PAPPA: variants seen among roughly 807,000 people sequenced by gnomAD.
PAPPA encodes the protein pappalysin 1, also known as pappalysin-1.
A neutral mutation model predicts 164.0 loss-of-function variants in PAPPA; 60 were observed. The ratio of observed to expected loss-of-function variants is 0.37; its 90% confidence interval spans 0.30 to 0.45. The LOEUF (loss-of-function observed/expected upper bound fraction) is 0.45, where lower values mean the gene tolerates loss of function less well. Among genes scored for constraint, PAPPA ranks in the 20% least tolerant of loss-of-function variants. The pLI is 1.00. For synonymous variants in PAPPA, 875 were observed against 814.1 expected, an observed-to-expected ratio of 1.07 and a Z score of -1.27; for missense variants, 1,782 against 2,087.3, an observed-to-expected ratio of 0.85 and a Z score of 2.85.
At chr9:116,289,236 T>C (rs1243750472) in intron 9 of PAPPA, among the ~76,000 whole-genome samples, 4 of 54,760 alleles carry the variant, frequency 7.3e-5, no homozygotes, top group East Asian at 1.2e-3. Flanking sequence ...ATATATAGCA[T>C]ATATATATAG....
At chr9:116,388,024 C>T (rs771547918) in intron 21 of PAPPA, among the ~76,000 whole-genome samples, 20 of 152,182 alleles carry the variant, frequency 1.3e-4, no homozygotes, top group Admixed American at 2.6e-4. Context: ...CTAGGGCCTC[C>T]GTGATGCCTT....
At chr9:116,283,469 G>T (rs547725815) in intron 9 of PAPPA, among the ~76,000 whole-genome samples, 18 of 152,100 alleles carry the variant, frequency 1.2e-4, no homozygotes, top group Non-Finnish European at 1.5e-5. Context: ...GAAGTCACAG[G>T]GGGTGAGTGG....
At chr9:116,301,145 C>G (rs917410920) in intron 9 of PAPPA, among the ~76,000 whole-genome samples, 3 of 151,988 alleles carry the variant, frequency 2.0e-5, no homozygotes, top group African/African-American at 4.8e-5. Flanking sequence ...CAAGCAGAAG[C>G]CTTAGGGTGA....
At chr9:116,331,049 T>C (rs1564228503) in intron 10 of PAPPA, among the ~76,000 whole-genome samples, 195 bp from the exon 11 acceptor site, 1 of 152,184 alleles carries the variant, frequency 6.6e-6, no homozygotes, top group Non-Finnish European at 1.5e-5. Flanking sequence ...ATCTATTATA[T>C]CCTTAAAAGT....
intron 7 of PAPPA, among the ~76,000 whole-genome samples, chr9:116,246,742 C>T (rs938821429): frequency 2.0e-5 from 3 of 152,098 alleles, no homozygotes; most frequent in East Asian, 1.9e-4. Flanking sequence ...AGGCCAAATG[C>T]GGTGGCTCAT....
At position 116,154,878 on chromosome 9, in the gene PAPPA, G is replaced by A. The variant is rs992515776; in HGVS notation, c.415+291G>A. Among the ~76,000 whole-genome samples the A allele has an allele frequency of 6.6e-6, 1 of 152,218 alleles. No individual in the cohort carries two copies. The highest frequency in any genetic ancestry group is 2.4e-5 in the African/African-American group (1 of 41,464). ...TGAGGGCTGGTTCCCGGAGCCTAGG[G>A]CACGTAACCCGTGCTCCGAATGGTC... is the stretch of plus-strand genomic sequence containing the variant. On this transcript the variant is annotated intron_variant, in intron 1 of 21. Transcript: ENST00000328252. The surrounding 1 kb of genome is among the most constrained non-coding windows in gnomAD (Gnocchi z 5.2).
At chr9:116,232,004 T>C (rs1175670048) in intron 6 of PAPPA, among the ~76,000 whole-genome samples, 1 of 152,172 alleles carries the variant, frequency 6.6e-6, no homozygotes, top group Non-Finnish European at 1.5e-5. Context: ...TCTGCCTGCC[T>C]AGGCCTCCCA....
At chr9:116,250,152 G>A (rs187242943) in intron 7 of PAPPA, among the ~76,000 whole-genome samples, 178 of 152,048 alleles carry the variant, frequency 1.2e-3, no homozygotes, top group Non-Finnish European at 4.6e-4. Flanking sequence ...ATGGGGTATC[G>A]GGGGTTAATC....
At chr9:116,203,900 G>T (rs1306790877) in intron 2 of PAPPA, among the ~76,000 whole-genome samples, 3 of 152,150 alleles carry the variant, frequency 2.0e-5, no homozygotes, top group African/African-American at 7.2e-5. Flanking sequence ...GGCATAACTG[G>T]GGAAAACTAG....
At chr9:116,174,186 G>A (rs909668495) in intron 1 of PAPPA, among the ~76,000 whole-genome samples, 36 of 152,258 alleles carry the variant, frequency 2.4e-4, no homozygotes, top group African/African-American at 7.2e-4. Context: ...GTAATCACTC[G>A]GTAAGCATCA....
intron 13 of PAPPA, among the ~76,000 whole-genome samples, chr9:116,339,347 C>A (rs1283264944): frequency 6.6e-6 from 1 of 152,112 alleles, no homozygotes; most frequent in Non-Finnish European, 1.5e-5. Flanking sequence ...CAGGCACATA[C>A]CCTCTCCTCG....
At chr9:116,169,101 A>G (rs1001733331) in intron 1 of PAPPA, among the ~76,000 whole-genome samples, 1 of 152,148 alleles carries the variant, frequency 6.6e-6, no homozygotes, top group Admixed American at 6.5e-5. Flanking sequence ...TAGAAAGACC[A>G]AAGAGTGAAG....
Position 116,154,924 on chromosome 9 carries a change from G to C in PAPPA, c.415+337G>C, listed in dbSNP as rs1044510357. Among the ~76,000 whole-genome samples, 1 of 152,212 alleles carries C rather than the reference G, an allele frequency of 6.6e-6. No homozygotes were observed. The highest frequency in any genetic ancestry group is 1.5e-5 in the Non-Finnish European group (1 of 68,032). ...TGGTCAGATGCACTCTCTCCTTTTGGGATGAAAGGGAGGATGACCCAATTG... is the reference window on the plus strand; with the variant it reads ...TGGTCAGATGCACTCTCTCCTTTTGCGATGAAAGGGAGGATGACCCAATTG... On this transcript the variant is annotated intron_variant, in intron 1 of 21. Transcript: ENST00000328252. This position sits in a 1 kb window ranked among gnomAD's most constrained non-coding sequence, Gnocchi z 5.2.
rs1048328816 is a variant in PAPPA at position 116,263,105 on chromosome 9, C to A, written c.2733-2752C>A. Reference sequence around the variant, plus strand: ...AATCTGAAAACTTGGGATAACAACACCTTCCTCAAAGAGCTGCTTAAGCTT... The same window carrying A: ...AATCTGAAAACTTGGGATAACAACAACTTCCTCAAAGAGCTGCTTAAGCTT... On this transcript the variant is annotated intron_variant, in intron 7 of 21. Coordinates refer to ENST00000328252, the MANE Select transcript of PAPPA (RefSeq NM_002581.5). Among the ~76,000 whole-genome samples, 5 of 152,150 alleles carry A rather than the reference C, an allele frequency of 3.3e-5. No homozygotes were observed. The South Asian group carries it at 1.0e-3, about 32-fold the overall frequency.
At chr9:116,363,787 C>G (rs1846461873) in intron 18 of PAPPA, among the ~76,000 whole-genome samples, 1 of 152,166 alleles carries the variant, frequency 6.6e-6, no homozygotes, top group Non-Finnish European at 1.5e-5. Flanking sequence ...AGAAGCAAGG[C>G]CTGTGTGGTT....
chr9:116,311,167 T>G (rs1845713434), intron 10 of PAPPA, among the ~76,000 whole-genome samples: 1 of 152,006 alleles, frequency 6.6e-6, no homozygotes, highest in African/African-American at 2.4e-5. Context: ...AAGACTTGGT[T>G]TTGATTAAAC....
In PAPPA at chr9:116,349,151, G is replaced by A. The variant is rs117510033; in HGVS notation, c.3964+1942G>A. On this transcript the variant is annotated intron_variant, in intron 15 of 21. Transcript: ENST00000328252. ...CCCCCCTGCTCCTTGCAATCCCCCC[G>A]TACCAGCCCTTGGCTAATGCAGCCA... Among the ~76,000 whole-genome samples the A allele has an allele frequency of 2.8e-3, 406 of 145,172 alleles. 10 individuals carry two copies. In the South Asian group the frequency reaches 0.051, roughly 18 times the overall value.
chr9:116,226,873 A>G (rs1235231313), intron 5 of PAPPA, among the ~76,000 whole-genome samples: 1 of 152,248 alleles, frequency 6.6e-6, no homozygotes. Flanking sequence ...TTTTGACTGT[A>G]AAATCGAGGA....
rs75002720 is a variant in PAPPA at position 116,192,789 on chromosome 9, C to T, written c.1478+4573C>T. ...TCTGCAGCCATTAGAGATGTCTCCA[C>T]GCAGGTAGAATGCACTTCACACACC... is the stretch of plus-strand genomic sequence containing the variant. On this transcript the variant is annotated intron_variant, in intron 2 of 21. Coordinates refer to ENST00000328252, the MANE Select transcript of PAPPA (RefSeq NM_002581.5). Among the ~76,000 whole-genome samples, 1,070 of 152,290 alleles carry T rather than the reference C, an allele frequency of 7.0e-3. 36 individuals carry two copies. In the East Asian group the frequency reaches 0.11, roughly 15 times the overall value.
Sources: gnomAD v4.1 joint callset for allele counts (sites outside exome capture counted in the v4.1 genomes callset) on GRCh38, gnomAD v4.1.1 for gene constraint, Gnocchi (gnomAD v3.1) non-coding constraint, MANE v1.5 for transcripts, NCBI Gene and HGNC (gene_info 2026-07-23, HGNC 2026-07-21) for gene names.